PRKCH: variants seen among roughly 807,000 people sequenced by gnomAD.
PRKCH encodes protein kinase C eta type.
PRKCH carries 28 observed loss-of-function variants against 82.5 expected under a neutral mutation model. The observed-to-expected ratio is 0.34, with a 90% CI of 0.25 to 0.47. The LOEUF is 0.47. Ranked by LOEUF, PRKCH falls within the 20% of genes least tolerant of loss-of-function variation. The probability of loss-of-function intolerance (pLI) is 1.00; values close to 1 mark genes in which losing one functional copy is unlikely to be tolerated. For synonymous variants in PRKCH, 322 were observed against 327.4 expected (o/e 0.98, Z 0.18); for missense variants, 705 against 881.8 (o/e 0.80, Z 2.54).
At chr14:61,374,699 G>A (rs936247305) in intron 1 of PRKCH, among the ~76,000 whole-genome samples, 3 of 152,002 alleles carry the variant, frequency 2.0e-5, no homozygotes, top group Non-Finnish European at 4.4e-5. Flanking sequence ...TGGGACACAG[G>A]ATGTCAGGTC....
upstream of PRKCH, among the ~76,000 whole-genome samples, chr14:61,316,959 C>A (rs754603650): frequency 6.6e-6 from 1 of 152,046 alleles, no homozygotes; most frequent in South Asian, 2.1e-4. Flanking sequence ...AGGAAGGAGA[C>A]AAAAAGTGCT....
chr14:61,322,149 C>T lies in PRKCH; in HGVS notation c.48C>T (p.Ile16=). 6.2e-7 allele frequency: 1 copy of T among 1,607,020 alleles called. No individual in the cohort carries two copies. Among genetic ancestry groups the T allele is most frequent in the South Asian group, 1.1e-5 (1 of 89,878 alleles). Residue 16 remains isoleucine, a synonymous_variant, in exon 1 of 14, where the codon ATC becomes ATT. Coordinates refer to ENST00000332981, the MANE Select transcript of PRKCH (RefSeq NM_006255.5). ...MKFNGYLRVR[I]GEAVGLQPTR... is the part of the protein sequence containing the mutation. Reference sequence around the variant, plus strand: ...TCAATGGCTATTTGAGGGTCCGCATCGGTGAGGCAGTGGGGCTGCAGCCCA... The same window carrying T: ...TCAATGGCTATTTGAGGGTCCGCATTGGTGAGGCAGTGGGGCTGCAGCCCA...
chr14:61,237,702 C>G (rs1284618689), intron 1 of PRKCH, among the ~76,000 whole-genome samples: 1 of 152,188 alleles, frequency 6.6e-6, no homozygotes, highest in African/African-American at 2.4e-5. Flanking sequence ...CTTTCTCCCC[C>G]AACCCTTACC....
chr14:61,392,184 C>G (rs1373081997), intron 2 of PRKCH, among the ~76,000 whole-genome samples: 1 of 151,696 alleles, frequency 6.6e-6, no homozygotes, highest in Non-Finnish European at 1.5e-5. Flanking sequence ...GGGGTTTTTC[C>G]TATTGTTGTC....
intron 1 of PRKCH, among the ~76,000 whole-genome samples, chr14:61,192,640 G>A (rs1473312674): frequency 3.3e-5 from 5 of 152,188 alleles, no homozygotes; most frequent in African/African-American, 1.2e-4. Context: ...TTTCAGAAGG[G>A]CTTCTTCAGG....
intron 2 of PRKCH, among the ~76,000 whole-genome samples, chr14:61,412,507 G>GC (rs66840144): frequency 2.0e-5 from 3 of 151,974 alleles, no homozygotes; most frequent in Non-Finnish European, 2.9e-5. Flanking sequence ...GCTCTCTCTA[G>GC]CCAGGACTGT....
intron 1 of PRKCH, among the ~76,000 whole-genome samples, chr14:61,229,191 G>T (rs1386415706): frequency 1.3e-5 from 2 of 152,156 alleles, no homozygotes; most frequent in East Asian, 3.9e-4. Flanking sequence ...ATAGAATACA[G>T]TGAGAGTGCC....
intron 10 of PRKCH, among the ~76,000 whole-genome samples, chr14:61,510,316 G>A (rs912646193): frequency 6.6e-6 from 1 of 152,144 alleles, no homozygotes; most frequent in African/African-American, 2.4e-5. Flanking sequence ...GTAAGTAACA[G>A]AGGAGTAAGC....
intron 2 of PRKCH, among the ~76,000 whole-genome samples, chr14:61,416,615 C>T (rs1258645169): frequency 2.6e-5 from 4 of 152,120 alleles, no homozygotes; most frequent in Non-Finnish European, 4.4e-5. Context: ...TGAGATACAA[C>T]ACCCCCTAAC....
intron 1 of PRKCH, among the ~76,000 whole-genome samples, chr14:61,388,304 G>A (rs1381608906): frequency 2.6e-5 from 4 of 152,234 alleles, no homozygotes; most frequent in Admixed American, 2.0e-4. Context: ...AACACTTGAA[G>A]ACCGTGTTTA....
intron 1 of PRKCH, among the ~76,000 whole-genome samples, chr14:61,288,849 T>G (rs2045337482): frequency 6.6e-6 from 1 of 152,216 alleles, no homozygotes; most frequent in South Asian, 2.1e-4. Flanking sequence ...GGAAACTTAT[T>G]CAAATCAGCT....
chr14:61,295,028 G>T (rs1001442574), intron 1 of PRKCH, among the ~76,000 whole-genome samples: 1 of 151,958 alleles, frequency 6.6e-6, no homozygotes, highest in African/African-American at 2.4e-5. Context: ...ACTACTCCAG[G>T]CTAATTTTTT....
intron 10 of PRKCH, among the ~76,000 whole-genome samples, chr14:61,489,379 G>T (rs146712483): frequency 6.6e-6 from 1 of 152,238 alleles, no homozygotes; most frequent in East Asian, 1.9e-4. Flanking sequence ...AGCTTCAGAA[G>T]GTAGTACCTT....
chr14:61,366,352 A>C (rs1030475937), intron 1 of PRKCH, among the ~76,000 whole-genome samples: 6 of 152,166 alleles, frequency 3.9e-5, no homozygotes, highest in African/African-American at 1.4e-4. Flanking sequence ...GCAATTAGAC[A>C]CATTATTACT....
chr14:61,333,173 G>C (rs191116561), intron 1 of PRKCH, among the ~76,000 whole-genome samples: 14 of 152,324 alleles, frequency 9.2e-5, no homozygotes, highest in African/African-American at 3.4e-4. Flanking sequence ...TTATGGTACA[G>C]AAGAGTTGAG....
At chr14:61,365,791 CA>C (rs1566840498) in intron 1 of PRKCH, among the ~76,000 whole-genome samples, 1 of 151,868 alleles carries the variant, frequency 6.6e-6, no homozygotes, top group Non-Finnish European at 1.5e-5. Flanking sequence ...GCTGAAGAAA[CA>C]AGACATAAAC....
chr14:61,292,438 C>T (rs1373159626), intron 1 of PRKCH, among the ~76,000 whole-genome samples: 1 of 152,076 alleles, frequency 6.6e-6, no homozygotes, highest in Non-Finnish European at 1.5e-5. Flanking sequence ...GCTGTGATCA[C>T]ACCACTAGAC....
intron 1 of PRKCH, chr14:61,305,922 T>C (rs1017179036): frequency 6.6e-6 from 1 of 152,264 alleles, no homozygotes; most frequent in Non-Finnish European, 1.5e-5. Context: ...AATATTGTTA[T>C]AAAGGAGTTA....
intron 2 of PRKCH, among the ~76,000 whole-genome samples, chr14:61,433,539 G>T (rs928014204): frequency 3.9e-5 from 6 of 152,138 alleles, no homozygotes; most frequent in Non-Finnish European, 8.8e-5. Flanking sequence ...AGGCTGGGGT[G>T]GGGGTAGAGA....
Sources: gnomAD v4.1 joint callset for allele counts (sites outside exome capture counted in the v4.1 genomes callset) on GRCh38, gnomAD v4.1.1 for gene constraint, MANE v1.5 for transcripts, NCBI Gene and HGNC (gene_info 2026-07-23, HGNC 2026-07-21) for gene names.